Variants in ABCC10 observed in about 807,000 individuals in gnomAD.
ABCC10 encodes ATP binding cassette subfamily C member 10.
Under a neutral mutation model 143.2 loss-of-function variants are expected in ABCC10, and 110 were observed. That is an observed-to-expected ratio of 0.77 (90% CI 0.66 to 0.90). The LOEUF (loss-of-function observed/expected upper bound fraction) is 0.90, where lower values mean the gene tolerates loss of function less well. ABCC10 is among the 40% of genes least tolerant of loss of function. The probability of loss-of-function intolerance (pLI) is 0.00; values close to 1 mark genes in which losing one functional copy is unlikely to be tolerated. For synonymous variants in ABCC10, 805 were observed against 846.7 expected (o/e 0.95, Z 0.85); for missense variants, 1,700 against 1,900.5 (o/e 0.89, Z 1.96).
At chr6:43,441,301 C>G (rs577709691) in intron 8 of ABCC10, among the ~76,000 whole-genome samples, 1 of 151,658 alleles carries the variant, frequency 6.6e-6, no homozygotes, top group South Asian at 2.1e-4. Context: ...CATGGTGAAA[C>G]CCCGTCTCTA....
At position 43,443,869 on chromosome 6, in the gene ABCC10, C is replaced by T; in HGVS notation, c.2417-64C>T. The T allele has an allele frequency of 3.4e-6, 5 of 1,484,474 alleles. No individual in the cohort carries two copies. The South Asian group carries it at 3.4e-5, about 10-fold the overall frequency. The allele number at this position is 1,484,474 out of a possible 1,614,324, so 92.0% of individuals were successfully genotyped here. A position where few individuals can be genotyped will look rare whatever the true frequency, so the allele number is the denominator to read the frequency against. On this transcript the variant is annotated intron_variant, in intron 10 of 21. Transcript: ENST00000372530. This position sits in a 1 kb window ranked among gnomAD's most constrained non-coding sequence, Gnocchi z 4.2. The stretch of plus-strand genomic sequence containing the variant: ...GGATGAGAGGTGGGATCTGCACACG[C>T]ACTGAGAAAGGCATAGTATAGACTC...
intron 6 of ABCC10, among the ~76,000 whole-genome samples, chr6:43,437,161 C>T (rs1781813219): frequency 6.6e-6 from 1 of 152,126 alleles, no homozygotes; most frequent in African/African-American, 2.4e-5. Flanking sequence ...TGGACACACC[C>T]TCCACTGAGC....
chr6:43,450,009 T>G lies in ABCC10; in HGVS notation c.4397T>G (p.Leu1466Arg), dbSNP rs1756762343. Reference sequence around the variant, plus strand: ...GTAGAGCTGGACTCCCCGGCCACCCTGCGCAACCAGCCCCACTCCCTGTTC... The same window carrying G: ...GTAGAGCTGGACTCCCCGGCCACCCGGCGCAACCAGCCCCACTCCCTGTTC... ...RVVELDSPATLRNQPHSLFQQ... is the reference protein window; with the variant it reads ...RVVELDSPATRRNQPHSLFQQ... Residue 1466 changes from leucine to arginine, a missense_variant, in exon 22 of 22, where the codon CTG becomes CGG. By Grantham distance (102) the Leu-to-Arg change is moderately radical. Transcript: ENST00000372530. The surrounding 1 kb of genome is among the most constrained non-coding windows in gnomAD (Gnocchi z 4.5). 6.2e-7 allele frequency: 1 copy of G among 1,613,618 alleles called. No individual in the cohort carries two copies. The highest frequency in any genetic ancestry group is 8.5e-7 in the Non-Finnish European group (1 of 1,179,904).
At position 43,433,285 on chromosome 6, in the gene ABCC10, C is replaced by A. The variant is rs760968562; in HGVS notation, c.1305C>A (p.Pro435=). The A allele has an allele frequency of 3.7e-6, 6 of 1,614,070 alleles. No individual in the cohort carries two copies. Among genetic ancestry groups the A allele is most frequent in the Non-Finnish European group, 5.1e-6 (6 of 1,180,018 alleles). Reference sequence around the variant, plus strand: ...TCATCTTGGCACTGCTGCTGGTACCCGTCAACAAAGTGATTGCCACCCGCA... The same window carrying A: ...TCATCTTGGCACTGCTGCTGGTACCAGTCAACAAAGTGATTGCCACCCGCA... ...GGLILALLLV[P]VNKVIATRIM... Residue 435 remains proline (P), a synonymous_variant, in exon 3 of 22, where the codon CCC becomes CCA. Transcript: ENST00000372530.
In ABCC10 at chr6:43,437,394, ATTT is replaced by A. The variant is rs1581731497; in HGVS notation, c.1876-535_1876-533del. Among the ~76,000 whole-genome samples, 5 of 125,628 alleles carry A rather than the reference ATTT, an allele frequency of 4.0e-5. 1 individual carries two copies. In the Admixed American group the frequency reaches 4.2e-4, roughly 11 times the overall value. The allele number at this position is 125,628 out of a possible 152,430, so 82.4% of individuals were successfully genotyped here. On this transcript the variant is annotated intron_variant, in intron 6 of 21. Coordinates refer to ENST00000372530, the MANE Select transcript of ABCC10 (RefSeq NM_001198934.2). The stretch of plus-strand genomic sequence containing the variant: ...GGAACTAGGACTTTTTTTTTTTTAT[ATTT>A]TTTTGAGCAGGGAGATAGCTCCATG...
Position 43,445,801 on chromosome 6 carries a change from A to T in ABCC10, c.3233A>T (p.Tyr1078Phe), listed in dbSNP as rs767959630. 2 of 1,614,022 alleles carry T rather than the reference A, an allele frequency of 1.2e-6. No homozygotes were observed. The highest frequency in any genetic ancestry group is 2.2e-5 in the South Asian group (2 of 91,068). ...CTGCTGCCGCCTTTGAGCATCATGT[A>T]CTATCACGTGCAGCGCCACTACAGG... is the stretch of plus-strand genomic sequence containing the variant. ...LLLLPPLSIM[Y>F]YHVQRHYRAS... Residue 1078 changes from tyrosine to phenylalanine, a missense_variant, in exon 15 of 22, where the codon TAC becomes TTC. Physicochemically the swap from Tyr to Phe is conservative, Grantham distance 22 (BLOSUM62 3). Coordinates refer to ENST00000372530, the MANE Select transcript of ABCC10 (RefSeq NM_001198934.2).
Position 43,432,439 on chromosome 6 carries a change from G to T in ABCC10, c.459G>T (p.Trp153Cys). ...PAPALVLTVL[W>C]HCQRGTLLPP... ...CAGCCCTAGTGCTGACCGTGTTGTGGCATTGCCAGCGAGGCACACTTCTGC... is the reference window on the plus strand; with the variant it reads ...CAGCCCTAGTGCTGACCGTGTTGTGTCATTGCCAGCGAGGCACACTTCTGC... Residue 153 changes from tryptophan to cysteine, a missense_variant, in exon 3 of 22, where the codon TGG becomes TGT. By Grantham distance (215) the Trp-to-Cys change is radical. Transcript: ENST00000372530. The T allele has an allele frequency of 6.2e-7, 1 of 1,611,716 alleles. No homozygotes were observed. Among genetic ancestry groups the T allele is most frequent in the Non-Finnish European group, 8.5e-7 (1 of 1,180,022 alleles).
chr6:43,428,311 C>A (rs1316137796), intron 2 of ABCC10, among the ~76,000 whole-genome samples, 172 bp downstream of exon 2: 2 of 152,166 alleles, frequency 1.3e-5, no homozygotes, highest in Admixed American at 1.3e-4. Flanking sequence ...TGGGCAAGTA[C>A]CTGCCTTCTC....
chr6:43,429,192 T>TGAGGAAAGTGAGATTCAGA (rs1780826658), intron 2 of ABCC10, among the ~76,000 whole-genome samples: 1 of 152,056 alleles, frequency 6.6e-6, no homozygotes, highest in Admixed American at 6.5e-5. Context: ...ACCATACTGG[T>TGAGGAAAGTGAGATTCAGA]GAGGAAAGTG....
intron 11 of ABCC10, 55 bp downstream of exon 11, chr6:43,444,065 C>CT (rs1322574268): frequency 6.2e-7 from 1 of 1,606,802 alleles, no homozygotes; most frequent in Non-Finnish European, 8.5e-7. Flanking sequence ...CACTGTAGAG[C>CT]TTTTTCTACA....
Position 43,449,404 on chromosome 6 carries a change from C to G in ABCC10, c.4204-18C>G, listed in dbSNP as rs1277571258. 6.2e-7 allele frequency: 1 copy of G among 1,604,356 alleles called. No individual in the cohort carries two copies. The highest frequency in any genetic ancestry group is 8.5e-7 in the Non-Finnish European group (1 of 1,172,884). On this transcript the variant is annotated intron_variant, in intron 20 of 21. Transcript: ENST00000372530. The stretch of plus-strand genomic sequence containing the variant: ...CCTCTCCTTCCTTCTTATCCCCTAC[C>G]CCATTCCCATATTCCAGATCCTGTG...
intron 9 of ABCC10, among the ~76,000 whole-genome samples, chr6:43,442,281 C>CA (rs1293569220): frequency 6.6e-6 from 1 of 152,006 alleles, no homozygotes; most frequent in Non-Finnish European, 1.5e-5. Flanking sequence ...CCTGTCTCTA[C>CA]AAAAAATAAT....
At chr6:43,451,345 C>G, downstream of ABCC10, 3 of 1,529,018 alleles carry the variant, frequency 2.0e-6, no homozygotes, top group Non-Finnish European at 2.6e-6. This position sits in a 1 kb window ranked among gnomAD's most constrained non-coding sequence, Gnocchi z 4.4. Context: ...GGTCAGTATC[C>G]TGACCACTGC....
intron 17 of ABCC10, 78 bp downstream of exon 17, chr6:43,447,486 T>C: frequency 6.4e-7 from 1 of 1,564,504 alleles, no homozygotes; most frequent in Non-Finnish European, 8.6e-7. Flanking sequence ...CCTTTCTTTT[T>C]GCCCACCCAT....
In ABCC10 at chr6:43,438,521, T is replaced by C; in HGVS notation, c.1956-103T>C. The C allele has an allele frequency of 2.0e-6, 3 of 1,503,192 alleles. No individual in the cohort carries two copies. In the South Asian group the frequency reaches 4.0e-5, roughly 20 times the overall value. The allele number at this position is 1,503,192 out of a possible 1,614,324, so 93.1% of individuals were successfully genotyped here. On this transcript the variant is annotated intron_variant, in intron 7 of 21. Transcript: ENST00000372530. ...TCATGTGACATGAAGGGGGACCCTG[T>C]GTAGAAGACAGCAGCCTGGGGAGGC...
Position 43,443,867 on chromosome 6 carries a change from C to A in ABCC10, c.2417-66C>A. 2.0e-6 allele frequency: 3 copies of A among 1,471,894 alleles called. No individual in the cohort carries two copies. Among genetic ancestry groups the A allele is most frequent in the Non-Finnish European group, 2.9e-6 (3 of 1,050,602 alleles). The allele number at this position is 1,471,894 out of a possible 1,614,324, so 91.2% of individuals were successfully genotyped here. ...GAGGATGAGAGGTGGGATCTGCACACGCACTGAGAAAGGCATAGTATAGAC... is the reference window on the plus strand; with the variant it reads ...GAGGATGAGAGGTGGGATCTGCACAAGCACTGAGAAAGGCATAGTATAGAC... On this transcript the variant is annotated intron_variant, in intron 10 of 21. Transcript: ENST00000372530. This position sits in a 1 kb window ranked among gnomAD's most constrained non-coding sequence, Gnocchi z 4.2.
rs372401088 is a variant in ABCC10, at chr6:43,445,856, C to T, written c.3288C>T (p.Gly1096=). The change falls in exon 15 of 22, where the codon GGC becomes GGT. Residue 1096 remains glycine (G), a synonymous_variant. Transcript: ENST00000372530. ...CCTCACGGGAGCTGCGGCGCCTGGG[C>T]AGCCTCACCCTGTCTCCACTGTATA... ...RASSRELRRL[G]SLTLSPLYSH... is the part of the protein sequence containing the mutation. The T allele has an allele frequency of 2.5e-6, 4 of 1,614,004 alleles. No homozygotes were observed. In the African/African-American group the frequency reaches 5.3e-5, roughly 22 times the overall value.
At chr6:43,434,432 G>A (rs1056675827) in intron 3 of ABCC10, 189 bp from the exon 4 acceptor site, 1 of 582,114 alleles carries the variant, frequency 1.7e-6, no homozygotes, top group Non-Finnish European at 3.0e-6. Flanking sequence ...ACCCAGGGCT[G>A]AAAAGGATTT....
In ABCC10 at chr6:43,442,989, T is replaced by C. The variant is rs772818379; in HGVS notation, c.2246T>C (p.Leu749Pro). ...CCATAGGAAAAGGAGCTCTATCTCC[T>C]CGATGACCCTCTGGCCGCTGTGGAT... ...AVYQEKELYL[L>P]DDPLAAVDAD... Residue 749 changes from leucine (L) to proline (P), a missense_variant, in exon 10 of 22, where the codon CTC (leucine) becomes CCC (proline). Transcript: ENST00000372530. The C allele has an allele frequency of 1.7e-5, 27 of 1,599,878 alleles. No individual in the cohort carries two copies. The highest frequency in any genetic ancestry group is 5.2e-5 in the Admixed American group (3 of 57,504).
Sources: allele counts gnomAD v4.1 joint callset (sites outside exome capture counted in the v4.1 genomes callset), GRCh38; gene constraint gnomAD v4.1.1; non-coding constraint Gnocchi (gnomAD v3.1); transcripts MANE v1.5; gene names NCBI Gene and HGNC (gene_info 2026-07-23, HGNC 2026-07-21).